The following TMEM184B variants were observed in gnomAD, a reference collection of about 807,000 sequenced individuals.
The protein encoded by TMEM184B is putative MAPK-activating protein FM08.
In TMEM184B, 17 loss-of-function variants were observed where a neutral mutation model predicts 41.8. That is an observed-to-expected ratio of 0.41 (90% CI 0.28 to 0.61). The LOEUF (loss-of-function observed/expected upper bound fraction) is 0.61. Ranked by LOEUF, TMEM184B falls within the 20% of genes least tolerant of loss-of-function variation. The probability of loss-of-function intolerance (pLI) is 0.34; values close to 1 mark genes in which losing one functional copy is unlikely to be tolerated. For synonymous variants in TMEM184B, 240 were observed against 229.5 expected, an observed-to-expected ratio of 1.05 and a Z score of -0.41; for missense variants, 393 against 557.8, an observed-to-expected ratio of 0.70 and a Z score of 2.98.
rs2091290276 is a variant in TMEM184B at position 38,222,546 on chromosome 22, T to G, written c.983-836A>C. The G allele has an allele frequency of 1.2e-5, 12 of 976,326 alleles. No homozygotes were observed. In the South Asian group the frequency reaches 5.2e-4, roughly 42 times the overall value. 60.5% of individuals were successfully genotyped at this position (976,326 alleles called of 1,614,324 possible). A position where few individuals can be genotyped will look rare whatever the true frequency, so the allele number is the denominator to read the frequency against. Reference sequence around the variant, plus strand: ...CCAGGGGGTGCCGGTGGGGAGGAGATGAGGACACGGAGAAGAGCTACAGAG... The same window carrying G: ...CCAGGGGGTGCCGGTGGGGAGGAGAGGAGGACACGGAGAAGAGCTACAGAG... On this transcript the variant is annotated intron_variant, in intron 8 of 8. Coordinates refer to ENST00000361906, the MANE Select transcript of TMEM184B (RefSeq NM_012264.5).
At chr22:38,242,916 G>A (rs1227570388) in intron 3 of TMEM184B, among the ~76,000 whole-genome samples, 1 of 152,064 alleles carries the variant, frequency 6.6e-6, no homozygotes, top group Non-Finnish European at 1.5e-5. Flanking sequence ...ACAAAAATTA[G>A]CTGGGCGTGG....
At chr22:38,218,787 A>T (rs188111762), downstream of TMEM184B, among the ~76,000 whole-genome samples, 2 of 152,260 alleles carry the variant, frequency 1.3e-5, no homozygotes, top group East Asian at 1.9e-4. Context: ...CCCCACCCAC[A>T]CCGCATTCCT....
In TMEM184B at chr22:38,220,020, C is replaced by A. The variant is rs375361884; in HGVS notation, c.*1449G>T. ...AAAAGAAAGAATCCCCAGTGAACAC[C>A]GGCAGGGTCCCTCTCCCTTACCCTA... On this transcript the variant is annotated 3_prime_UTR_variant, in exon 9 of 9. Coordinates refer to ENST00000361906, the MANE Select transcript of TMEM184B (RefSeq NM_012264.5). The A allele has an allele frequency of 1.4e-5, 14 of 985,472 alleles. No individual in the cohort carries two copies. The African/African-American group carries it at 2.4e-4, about 17-fold the overall frequency. The allele number at this position is 985,472 out of a possible 1,614,324, so 61.0% of individuals were successfully genotyped here.
chr22:38,241,431 T>C (rs531556738), intron 3 of TMEM184B, among the ~76,000 whole-genome samples: 8 of 150,786 alleles, frequency 5.3e-5, no homozygotes, highest in African/African-American at 1.7e-4. Context: ...CTCATGCCTA[T>C]AATCCCGGCA....
intron 1 of TMEM184B, among the ~76,000 whole-genome samples, chr22:38,269,584 C>T (rs539946587): frequency 1.6e-3 from 238 of 152,216 alleles, no homozygotes; most frequent in African/African-American, 5.4e-3. Flanking sequence ...ATAATCTCAG[C>T]GCTTTAGAAG....
intron 2 of TMEM184B, among the ~76,000 whole-genome samples, chr22:38,247,515 G>T (rs2092061727): frequency 6.6e-6 from 1 of 152,242 alleles, no homozygotes; most frequent in Admixed American, 6.5e-5. Context: ...CAGGAGAATT[G>T]TTCCAACCCA....
chr22:38,219,695 G>C lies in TMEM184B; in HGVS notation c.*1774C>G. 1 of 985,600 alleles carries C rather than the reference G, an allele frequency of 1.0e-6. No individual in the cohort carries two copies. The highest frequency in any genetic ancestry group is 1.1e-4 in the East Asian group (1 of 8,818). 61.1% of individuals were successfully genotyped at this position (985,600 alleles called of 1,614,324 possible). ...AACGCTGGGCAGGCGAAAACCAAGGGAGTGGGAATCAGCAGCACTTTGGCC... is the reference window on the plus strand; with the variant it reads ...AACGCTGGGCAGGCGAAAACCAAGGCAGTGGGAATCAGCAGCACTTTGGCC... On this transcript the variant is annotated 3_prime_UTR_variant, in exon 9 of 9. Coordinates refer to ENST00000361906, the MANE Select transcript of TMEM184B (RefSeq NM_012264.5).
At chr22:38,218,618 G>A (rs574688531), downstream of TMEM184B, among the ~76,000 whole-genome samples, 5 of 152,274 alleles carry the variant, frequency 3.3e-5, no homozygotes, top group East Asian at 1.9e-4. Flanking sequence ...TAGGTAGGCC[G>A]TGTCCACGGG....
intron 3 of TMEM184B, 189 bp from the exon 4 acceptor site, chr22:38,231,523 T>C (rs563454750): frequency 7.5e-5 from 53 of 706,136 alleles, no homozygotes; most frequent in South Asian, 6.3e-4. Context: ...CACTCCTAAG[T>C]TCAAAACCCG....
At chr22:38,252,804 C>A (rs904599587) in intron 1 of TMEM184B, among the ~76,000 whole-genome samples, 4 of 152,192 alleles carry the variant, frequency 2.6e-5, no homozygotes, top group African/African-American at 7.2e-5. Flanking sequence ...AGGGGAATTA[C>A]ATAATTAACA....
At chr22:38,272,768 C>T (rs917020382) in intron 1 of TMEM184B, 116 bp downstream of exon 1, 1 of 985,136 alleles carries the variant, frequency 1.0e-6, no homozygotes, top group Non-Finnish European at 1.2e-6. Flanking sequence ...GCCCGGGAGC[C>T]GGCGGCCGAA....
chr22:38,272,625 GC>G, intron 1 of TMEM184B: 6 of 985,480 alleles, frequency 6.1e-6, no homozygotes, highest in Non-Finnish European at 7.2e-6. Context: ...TCCAGGAGCT[GC>G]CCCCGCCACG....
At position 38,221,260 on chromosome 22, in the gene TMEM184B, T is replaced by C. The variant is rs927123257; in HGVS notation, c.*209A>G. ...CTGCCCTCGCCCGGGCAGTGCAGGC[T>C]GGGCCATGTATAAATATTCCTGAAG... On this transcript the variant is annotated 3_prime_UTR_variant, in exon 9 of 9. Coordinates refer to ENST00000361906, the MANE Select transcript of TMEM184B (RefSeq NM_012264.5). The C allele has an allele frequency of 2.8e-6, 4 of 1,423,700 alleles. No homozygotes were observed. Among genetic ancestry groups the C allele is most frequent in the East Asian group, 2.6e-5 (1 of 39,108 alleles). 88.2% of individuals were successfully genotyped at this position (1,423,700 alleles called of 1,614,324 possible).
chr22:38,265,905 G>T (rs553746483), intron 1 of TMEM184B, among the ~76,000 whole-genome samples: 3 of 152,216 alleles, frequency 2.0e-5, no homozygotes, highest in African/African-American at 7.2e-5. Flanking sequence ...GGTAAATGGG[G>T]AACAGCCCTG....
At chr22:38,257,544 ACT>A (rs1414800018) in intron 1 of TMEM184B, among the ~76,000 whole-genome samples, 4 of 151,934 alleles carry the variant, frequency 2.6e-5, no homozygotes, top group Non-Finnish European at 4.4e-5. Flanking sequence ...GACCTTCCAA[ACT>A]CTCTCTCACT....
At chr22:38,242,799 C>G (rs1480210947) in intron 3 of TMEM184B, among the ~76,000 whole-genome samples, 1 of 152,156 alleles carries the variant, frequency 6.6e-6, no homozygotes, top group East Asian at 1.9e-4. Flanking sequence ...CACGGTGGCT[C>G]ACATCTGTAA....
In TMEM184B at chr22:38,219,679, C is replaced by T; in HGVS notation, c.*1790G>A. 3 of 985,512 alleles carry T rather than the reference C, an allele frequency of 3.0e-6. No individual in the cohort carries two copies. Among genetic ancestry groups the T allele is most frequent in the Non-Finnish European group, 3.6e-6 (3 of 829,950 alleles). 61.0% of individuals were successfully genotyped at this position (985,512 alleles called of 1,614,324 possible). A position where few individuals can be genotyped will look rare whatever the true frequency, so the allele number is the denominator to read the frequency against. ...CCTCCACGCAAACAGCAACGCTGGGCAGGCGAAAACCAAGGGAGTGGGAAT... is the reference window on the plus strand; with the variant it reads ...CCTCCACGCAAACAGCAACGCTGGGTAGGCGAAAACCAAGGGAGTGGGAAT... On this transcript the variant is annotated 3_prime_UTR_variant, in exon 9 of 9. Transcript: ENST00000361906.
chr22:38,227,878 G>A (rs527948881), intron 5 of TMEM184B, among the ~76,000 whole-genome samples: 30 of 152,298 alleles, frequency 2.0e-4, no homozygotes, highest in Admixed American at 1.6e-3. Flanking sequence ...CCCTACGGGC[G>A]GACCCATGGT....
Position 38,230,672 on chromosome 22 carries a change from T to C in TMEM184B, c.522A>G (p.Lys174=). 4 of 1,610,308 alleles carry C rather than the reference T, an allele frequency of 2.5e-6. No individual in the cohort carries two copies. Among genetic ancestry groups the C allele is most frequent in the Non-Finnish European group, 3.4e-6 (4 of 1,178,508 alleles). ...GGCAGCTGCTGGGGGCACACACCTG[T>C]TTGCAGAACCTCAGAAATCCGATGG... ...TYSIGFLRFC[K]QATLQFCVVK... is the part of the protein sequence containing the mutation. The change falls in exon 5 of 9, where the codon AAA becomes AAG. Residue 174 remains lysine, a synonymous_variant. Coordinates refer to ENST00000361906, the MANE Select transcript of TMEM184B (RefSeq NM_012264.5).
Sources: gnomAD v4.1 joint callset for allele counts (sites outside exome capture counted in the v4.1 genomes callset) on GRCh38, gnomAD v4.1.1 for gene constraint, MANE v1.5 for transcripts, NCBI Gene and HGNC (gene_info 2026-07-23, HGNC 2026-07-21) for gene names.